Variants in DACH2 observed in about 807,000 individuals in gnomAD.
The protein encoded by DACH2 is dachshund family transcription factor 2, also known as dachshund homolog 2.
In DACH2, 17 loss-of-function variants were observed where a neutral mutation model predicts 35.8. That is an observed-to-expected ratio of 0.48 (90% CI 0.33 to 0.71). The LOEUF (loss-of-function observed/expected upper bound fraction) is 0.71. Ranked by LOEUF, DACH2 falls within the 30% of genes least tolerant of loss-of-function variation. DACH2 has a pLI of 0.02. For synonymous variants in DACH2, 195 were observed against 177.3 expected (o/e 1.10, Z -0.79); for missense variants, 469 against 472.7 (o/e 0.99, Z 0.07).
At chrX:86,489,895 T>C (rs960321694) in intron 2 of DACH2, among the ~76,000 whole-genome samples, 1 of 112,005 alleles carries the variant, frequency 8.9e-6, no homozygotes, top group Non-Finnish European at 1.9e-5. Flanking sequence ...AATGTCTACC[T>C]AGTATGATTT....
At chrX:86,281,999 C>G (rs2034039148) in intron 1 of DACH2, among the ~76,000 whole-genome samples, 1 of 111,717 alleles carries the variant, frequency 9.0e-6, no homozygotes, top group African/African-American at 3.2e-5. Flanking sequence ...TAAAATAAGA[C>G]AGGACACAAA....
At chrX:86,399,595 G>T (rs1251891712) in intron 2 of DACH2, among the ~76,000 whole-genome samples, 2 of 111,479 alleles carry the variant, frequency 1.8e-5, no homozygotes, top group Admixed American at 1.9e-4. Context: ...GAATCTCTCA[G>T]CATTTGCTTG....
intron 3 of DACH2, among the ~76,000 whole-genome samples, chrX:86,579,123 G>A (rs1383257215): frequency 6.6e-5 from 7 of 106,656 alleles, no homozygotes; most frequent in Non-Finnish European, 7.7e-5. Flanking sequence ...ACGGAGTTTC[G>A]CTCTTGTTGC....
chrX:86,292,247 T>C (rs1221835692), intron 1 of DACH2, among the ~76,000 whole-genome samples: 11 of 75,483 alleles, frequency 1.5e-4, no homozygotes, highest in Non-Finnish European at 2.6e-4. Flanking sequence ...TGGTAGTTTG[T>C]ATTTCTGTGG....
At chrX:86,457,402 G>C (rs1489176189) in intron 2 of DACH2, among the ~76,000 whole-genome samples, 1 of 111,896 alleles carries the variant, frequency 8.9e-6, no homozygotes, top group African/African-American at 3.2e-5. Context: ...AGAGCAGCTA[G>C]ACTTTAGGAG....
chrX:86,235,216 C>A (rs1283852573), intron 1 of DACH2, among the ~76,000 whole-genome samples: 3 of 111,668 alleles, frequency 2.7e-5, no homozygotes, highest in African/African-American at 9.8e-5. Flanking sequence ...TTCATCACAT[C>A]ATGTCAAGGG....
chrX:86,451,992 G>T (rs1569405656), intron 2 of DACH2, among the ~76,000 whole-genome samples: 2 of 111,325 alleles, frequency 1.8e-5, no homozygotes, highest in Non-Finnish European at 3.8e-5. Context: ...TTATTTTGAG[G>T]TATGTTCCTT....
intron 3 of DACH2, among the ~76,000 whole-genome samples, chrX:86,566,536 G>T (rs2179274): frequency 0.26 from 28,554 of 110,442 alleles, 4,884 homozygotes; most frequent in African/African-American, 0.63. Flanking sequence ...AGCCTTAGTC[G>T]ATTAAAAACT....
At chrX:86,717,939 T>C (rs1346750781) in intron 6 of DACH2, among the ~76,000 whole-genome samples, 1 of 108,913 alleles carries the variant, frequency 9.2e-6, no homozygotes, top group Non-Finnish European at 1.9e-5. Context: ...TCGTATATCA[T>C]TGCTGTTGTG....
chrX:86,407,527 C>A (rs1569384662), intron 2 of DACH2, among the ~76,000 whole-genome samples: 1 of 112,236 alleles, frequency 8.9e-6, no homozygotes, highest in East Asian at 2.8e-4. Flanking sequence ...TACTTTGTGA[C>A]TCCATGAACA....
chrX:86,782,283 A>G (rs774046972), intron 7 of DACH2, among the ~76,000 whole-genome samples: 2 of 112,046 alleles, frequency 1.8e-5, no homozygotes, highest in Non-Finnish European at 3.8e-5. Context: ...TATAAATTCA[A>G]TGCAATCTGT....
At chrX:86,158,618 G>A (rs765347638) in intron 1 of DACH2, among the ~76,000 whole-genome samples, 1 of 109,720 alleles carries the variant, frequency 9.1e-6, no homozygotes, top group Non-Finnish European at 1.9e-5. Flanking sequence ...TGCTGTGAAC[G>A]AAATGAACAA....
chrX:86,435,896 G>T (rs1569398398), intron 2 of DACH2, among the ~76,000 whole-genome samples: 1 of 111,324 alleles, frequency 9.0e-6, no homozygotes, highest in African/African-American at 3.3e-5. Flanking sequence ...ATTTAACAAG[G>T]GATTAGTGAT....
Position 86,160,476 on chromosome X carries a change from G to A in DACH2, c.488+11368G>A, listed in dbSNP as rs906857581. On this transcript the variant is annotated intron_variant, in intron 1 of 11. Transcript: ENST00000373125. Reference sequence around the variant, plus strand: ...CCATCTTCCAGCTTCTTACCAGAACGGTGATCAATCTTTTCCTTCAGTACA... The same window carrying A: ...CCATCTTCCAGCTTCTTACCAGAACAGTGATCAATCTTTTCCTTCAGTACA... The A allele has an allele frequency of 9.4e-6, 5 of 533,780 alleles. No individual in the cohort carries two copies. In the African/African-American group the frequency reaches 1.1e-4, roughly 12 times the overall value. 44.0% of individuals were successfully genotyped at this position (533,780 alleles called of 1,213,427 possible). A position where few individuals can be genotyped will look rare whatever the true frequency, so the allele number is the denominator to read the frequency against.
intron 1 of DACH2, among the ~76,000 whole-genome samples, chrX:86,270,931 T>G (rs754235131): frequency 8.9e-6 from 1 of 112,009 alleles, no homozygotes; most frequent in African/African-American, 3.2e-5. Context: ...AATAAATTAA[T>G]ATTTAGATAA....
chrX:86,488,542 C>A (rs969181804), intron 2 of DACH2, among the ~76,000 whole-genome samples: 1 of 110,588 alleles, frequency 9.0e-6, no homozygotes, highest in African/African-American at 3.3e-5. Flanking sequence ...GTCATTTATA[C>A]CCCTTGAACC....
At chrX:86,309,006 T>A (rs1218313628) in intron 1 of DACH2, among the ~76,000 whole-genome samples, 2 of 111,591 alleles carry the variant, frequency 1.8e-5, no homozygotes, top group Admixed American at 9.5e-5. Context: ...ATTGGCTCCC[T>A]GACTGGTAGG....
chrX:86,188,732 A>G (rs2031749912), intron 1 of DACH2, among the ~76,000 whole-genome samples: 1 of 112,197 alleles, frequency 8.9e-6, no homozygotes, highest in Non-Finnish European at 1.9e-5. Flanking sequence ...CAAGGAATGC[A>G]GAGAAGGACT....
chrX:86,458,079 G>A (rs1218021463), intron 2 of DACH2, among the ~76,000 whole-genome samples: 1 of 111,828 alleles, frequency 8.9e-6, no homozygotes, highest in Non-Finnish European at 1.9e-5. Flanking sequence ...ATCTGATTGA[G>A]AAGAAACATG....
Sources: gnomAD v4.1 joint callset for allele counts (sites outside exome capture counted in the v4.1 genomes callset) on GRCh38, gnomAD v4.1.1 for gene constraint, MANE v1.5 for transcripts, NCBI Gene and HGNC (gene_info 2026-07-23, HGNC 2026-07-21) for gene names.